The following AOPEP variants were observed in gnomAD, a reference collection of about 807,000 sequenced individuals.
AOPEP encodes aminopeptidase O (putative).
AOPEP carries 77 observed loss-of-function variants against 98.1 expected under a neutral mutation model. That is an observed-to-expected ratio of 0.78 (90% confidence interval 0.65 to 0.95). AOPEP has a LOEUF of 0.95. Among genes scored for constraint, AOPEP ranks in the 40% least tolerant of loss-of-function variants. AOPEP has a pLI of 0.00. For missense variants in AOPEP, 1,024 were observed against 1,024.7 expected (o/e 1.00, Z 0.01); for synonymous variants, 346 against 365.3 (o/e 0.95, Z 0.60).
the AOPEP span, among the ~76,000 whole-genome samples, chr9:95,106,615 G>A: frequency 1.6e-4 from 24 of 152,280 alleles, no homozygotes; most frequent in African/African-American, 5.3e-4. Context: ...GCTTCAGGAA[G>A]GATTTCTTTG....
At chr9:94,735,065 A>G (rs1831407948) in intron 1 of AOPEP, among the ~76,000 whole-genome samples, 1 of 152,194 alleles carries the variant, frequency 6.6e-6, no homozygotes, top group Non-Finnish European at 1.5e-5. Flanking sequence ...ATATTTATAT[A>G]TGCATTGACC....
chr9:95,022,399 G>T (rs1390204376), intron 13 of AOPEP: 22 of 152,150 alleles, frequency 1.4e-4, no homozygotes, highest in Admixed American at 1.4e-3. Context: ...GTGCAATGGT[G>T]CGATCTTGGT....
the AOPEP span, among the ~76,000 whole-genome samples, chr9:95,133,912 A>C: frequency 6.6e-6 from 1 of 152,230 alleles, no homozygotes; most frequent in Admixed American, 6.5e-5. Flanking sequence ...TACTGCAACC[A>C]TTTTAAAATA....
intron 5 of AOPEP, among the ~76,000 whole-genome samples, chr9:94,878,105 C>T (rs2047171095): frequency 6.6e-6 from 1 of 151,720 alleles, no homozygotes; most frequent in Non-Finnish European, 1.5e-5. Flanking sequence ...AGAGCTAATG[C>T]CATCTAGTGA....
intron 5 of AOPEP, among the ~76,000 whole-genome samples, chr9:94,841,006 T>C (rs2042202053): frequency 6.6e-6 from 1 of 152,184 alleles, no homozygotes; most frequent in African/African-American, 2.4e-5. Context: ...ATCTTACTTT[T>C]ATTATTTCCT....
intron 7 of AOPEP, among the ~76,000 whole-genome samples, chr9:94,931,231 G>A (rs2055245573): frequency 6.6e-6 from 1 of 152,110 alleles, no homozygotes; most frequent in African/African-American, 2.4e-5. Context: ...CTTTTCCTTT[G>A]TGTGTGGAGT....
chr9:95,089,184 G>A (rs1192287072), downstream of AOPEP, among the ~76,000 whole-genome samples: 5 of 152,232 alleles, frequency 3.3e-5, no homozygotes, highest in African/African-American at 1.2e-4. Flanking sequence ...GCCTGGCAGA[G>A]AGGCCTCTAG....
the AOPEP span, among the ~76,000 whole-genome samples, chr9:95,122,584 C>T: frequency 6.6e-6 from 1 of 152,302 alleles, no homozygotes; most frequent in Non-Finnish European, 1.5e-5. Flanking sequence ...TGTGGTCCCA[C>T]GTCCTTAGAT....
the AOPEP span, chr9:95,124,001 G>A: frequency 3.0e-6 from 1 of 335,314 alleles, no homozygotes; most frequent in South Asian, 2.5e-5. Flanking sequence ...TACACGCAGG[G>A]GCTGAAGTGT....
At chr9:94,829,857 G>T (rs566008247) in intron 5 of AOPEP, among the ~76,000 whole-genome samples, 3 of 152,118 alleles carry the variant, frequency 2.0e-5, no homozygotes, top group African/African-American at 7.2e-5. Flanking sequence ...ACCATCTGAC[G>T]TCATGACTAC....
At chr9:94,905,849 C>T (rs2051063987) in intron 5 of AOPEP, among the ~76,000 whole-genome samples, 1 of 151,684 alleles carries the variant, frequency 6.6e-6, no homozygotes, top group African/African-American at 2.4e-5. Context: ...GGGAACCATC[C>T]ATCATCCCTG....
the AOPEP span, among the ~76,000 whole-genome samples, chr9:95,148,338 T>C: frequency 2.2e-4 from 33 of 152,330 alleles, no homozygotes; most frequent in African/African-American, 7.7e-4. Flanking sequence ...GTGGGCTCAC[T>C]TGACCACTTT....
At chr9:94,765,394 G>A (rs1231533692) in intron 2 of AOPEP, among the ~76,000 whole-genome samples, 1 of 149,676 alleles carries the variant, frequency 6.7e-6, no homozygotes, top group African/African-American at 2.4e-5. Flanking sequence ...GAGTTGAGGA[G>A]TTCAAGACCA....
downstream of AOPEP, among the ~76,000 whole-genome samples, chr9:95,090,698 C>T (rs1472356829): frequency 1.3e-5 from 2 of 152,146 alleles, no homozygotes; most frequent in Non-Finnish European, 2.9e-5. Context: ...GGGCTCTGGA[C>T]CACAGCCAGG....
In AOPEP at chr9:94,831,630, T is replaced by A. The variant is rs572946052; in HGVS notation, c.1364+30628T>A. ...TTGAATGAAAACAGCATTGAATCTA[T>A]AAATTACTTTGGTCAGTATGGCCAT... On this transcript the variant is annotated intron_variant, in intron 5 of 16. Coordinates refer to ENST00000375315, the MANE Select transcript of AOPEP (RefSeq NM_001193329.3). 3.0e-3 allele frequency among the ~76,000 whole-genome samples: 457 copies of A among 152,292 alleles called. 1 individual carries two copies. Among genetic ancestry groups the A allele is most frequent in the Non-Finnish European group, 5.7e-3 (387 of 68,026 alleles).
chr9:94,863,195 G>A (rs1389456683), intron 5 of AOPEP, among the ~76,000 whole-genome samples: 1 of 151,468 alleles, frequency 6.6e-6, no homozygotes, highest in Non-Finnish European at 1.5e-5. Context: ...TACCATCCTA[G>A]CCTATGATTT....
intron 3 of AOPEP, among the ~76,000 whole-genome samples, chr9:94,791,541 T>G (rs961351250): frequency 6.6e-6 from 1 of 151,636 alleles, no homozygotes; most frequent in Admixed American, 6.6e-5. Flanking sequence ...TGGTGGCACA[T>G]ACCTGTAGTC....
chr9:94,823,994 GAA>G (rs1301710429), intron 5 of AOPEP, among the ~76,000 whole-genome samples: 1 of 152,166 alleles, frequency 6.6e-6, no homozygotes, highest in African/African-American at 2.4e-5. Flanking sequence ...TTAAATGAGA[GAA>G]AGAAGGGATA....
At chr9:94,905,548 AT>A (rs112128380) in intron 5 of AOPEP, among the ~76,000 whole-genome samples, 16 of 151,388 alleles carry the variant, frequency 1.1e-4, no homozygotes, top group African/African-American at 3.9e-4. Flanking sequence ...TTCTTCTGTC[AT>A]TTTTTTTTGT....
Sources: allele counts gnomAD v4.1 joint callset (sites outside exome capture counted in the v4.1 genomes callset), GRCh38; gene constraint gnomAD v4.1.1; transcripts MANE v1.5; gene names NCBI Gene and HGNC (gene_info 2026-07-23, HGNC 2026-07-21).